Variants in GSG1 observed in about 807,000 individuals in gnomAD.
The protein encoded by GSG1 is germ cell associated 1.
In GSG1, 28 loss-of-function variants were observed where a neutral mutation model predicts 30.8. That is an observed-to-expected ratio of 0.91 (90% CI 0.67 to 1.25). GSG1 has a LOEUF of 1.25. GSG1 is among the 50% of genes most tolerant of loss of function. The pLI, the probability that GSG1 is intolerant of heterozygous loss-of-function variation, is 0.00. For missense variants in GSG1, 435 were observed against 444.7 expected (o/e 0.98, Z 0.20); for synonymous variants, 162 against 178.0 (o/e 0.91, Z 0.71).
At chr12:13,090,260 A>C (rs1865950457) in intron 2 of GSG1, among the ~76,000 whole-genome samples, 2 of 152,238 alleles carry the variant, frequency 1.3e-5, no homozygotes, top group South Asian at 4.1e-4. Flanking sequence ...TCTACTACAG[A>C]GGGAGGAAGT....
At chr12:13,095,094 A>G (rs762969236) in intron 1 of GSG1, among the ~76,000 whole-genome samples, 3 of 152,208 alleles carry the variant, frequency 2.0e-5, no homozygotes, top group African/African-American at 4.8e-5. Flanking sequence ...TCATTCAAAA[A>G]TCATCTTCTT....
intron 1 of GSG1, among the ~76,000 whole-genome samples, chr12:13,092,241 GTA>G (rs71697994): frequency 0.14 from 20,980 of 152,168 alleles, 1,556 homozygotes; most frequent in East Asian, 0.2. Flanking sequence ...TAGGGAGGAT[GTA>G]TGTGTGTGTG....
intron 4 of GSG1, 61 bp downstream of exon 4, chr12:13,088,801 A>G (rs1327829658): frequency 1.9e-6 from 3 of 1,614,062 alleles, no homozygotes; most frequent in East Asian, 2.2e-5. Context: ...CTTCCCTCCA[A>G]ATCGGAGAGT....
At chr12:13,102,680 C>CGT (rs147713093) in intron 1 of GSG1, among the ~76,000 whole-genome samples, 1 of 152,110 alleles carries the variant, frequency 6.6e-6, no homozygotes, top group African/African-American at 2.4e-5. Flanking sequence ...AGTGTATGTA[C>CGT]GTGTGTGTGT....
intron 2 of GSG1, among the ~76,000 whole-genome samples, chr12:13,089,595 C>G (rs1865887563): frequency 6.6e-6 from 1 of 152,228 alleles, no homozygotes; most frequent in African/African-American, 2.4e-5. Flanking sequence ...TGAGGGCTCT[C>G]TTACATGATC....
At chr12:13,100,318 A>C (rs962597138) in intron 1 of GSG1, among the ~76,000 whole-genome samples, 9 of 152,208 alleles carry the variant, frequency 5.9e-5, no homozygotes, top group African/African-American at 2.2e-4. Context: ...GCTACAAAGG[A>C]AGCCCTGGGT....
chr12:13,094,099 GCTTAT>G (rs139934064), intron 1 of GSG1, among the ~76,000 whole-genome samples: 12,146 of 152,116 alleles, frequency 0.08, 592 homozygotes, highest in South Asian at 0.13. Flanking sequence ...ACTTAAATCT[GCTTAT>G]CTTAAGAGCC....
At position 13,101,928 on chromosome 12, in the gene GSG1, C is replaced by G. The variant is rs1464576073; in HGVS notation, c.48+1537G>C. 6.6e-6 allele frequency among the ~76,000 whole-genome samples: 1 copy of G among 152,168 alleles called. No homozygotes were observed. Among genetic ancestry groups the G allele is most frequent in the Non-Finnish European group, 1.5e-5 (1 of 68,024 alleles). The stretch of plus-strand genomic sequence containing the variant: ...AACCTCCCAGAGGGTTAAATTTACC[C>G]TCAGGGGTAAATGAGGGCAAAGAGT... On this transcript the variant is annotated intron_variant, in intron 1 of 6. Coordinates refer to ENST00000651961, the MANE Select transcript of GSG1 (RefSeq NM_001080555.4). The surrounding 1 kb of genome is among the most constrained non-coding windows in gnomAD (Gnocchi z 5.8).
At position 13,090,713 on chromosome 12, in the gene GSG1, A is replaced by G. The variant is rs2306765; in HGVS notation, c.154T>C (p.Phe52Leu). 43,086 of 1,613,986 alleles carry G rather than the reference A, an allele frequency of 0.027. 1,755 individuals carry two copies. The highest frequency in any genetic ancestry group is 0.18 in the East Asian group (7,949 of 44,882). The change falls in exon 2 of 7, where the codon TTT becomes CTT. Residue 52 changes from phenylalanine to leucine, a missense_variant. Coordinates refer to ENST00000651961, the MANE Select transcript of GSG1 (RefSeq NM_001080555.4). ...TTGGGCACCTTCTGTGTGCCCACAAACCAGTAGTTGCTGAGCAGGGATGTT... is the reference window on the plus strand; with the variant it reads ...TTGGGCACCTTCTGTGTGCCCACAAGCCAGTAGTTGCTGAGCAGGGATGTT... ...STTSLLSNYW[F>L]VGTQKVPKPL... is the part of the protein sequence containing the mutation.
At chr12:13,088,662 G>T (rs1313689679) in intron 4 of GSG1, 200 bp downstream of exon 4, 9 of 1,324,244 alleles carry the variant, frequency 6.8e-6, no homozygotes, top group Non-Finnish European at 8.4e-6. Flanking sequence ...AGAAAAGTGG[G>T]AGATCACAGT....
intron 1 of GSG1, among the ~76,000 whole-genome samples, chr12:13,100,894 G>T (rs1450705993): frequency 6.6e-6 from 1 of 152,156 alleles, no homozygotes; most frequent in East Asian, 1.9e-4. Context: ...TCTTCCTAAC[G>T]TAGGTCCCGA....
In GSG1 at chr12:13,096,520, C is replaced by T. The variant is rs1866680178; in HGVS notation, c.49-5702G>A. Among the ~76,000 whole-genome samples the T allele has an allele frequency of 2.0e-5, 3 of 151,190 alleles. No homozygotes were observed. The South Asian group carries it at 6.3e-4, about 32-fold the overall frequency. On this transcript the variant is annotated intron_variant, in intron 1 of 6. Coordinates refer to ENST00000651961, the MANE Select transcript of GSG1 (RefSeq NM_001080555.4). ...AATAAGTACTATTAAGTATCTCCCT[C>T]TACACATGGAATGCTGAGTGAGAAT...
Position 13,085,218 on chromosome 12 carries a change from A to G in GSG1, c.772T>C (p.Cys258Arg). The G allele has an allele frequency of 6.2e-7, 1 of 1,609,302 alleles. No individual in the cohort carries two copies. The highest frequency in any genetic ancestry group is 8.5e-7 in the Non-Finnish European group (1 of 1,176,516). The change falls in exon 7 of 7, where the codon TGC becomes CGC. Residue 258 changes from cysteine to arginine, a missense_variant. Coordinates refer to ENST00000651961, the MANE Select transcript of GSG1 (RefSeq NM_001080555.4). ...FYMAWLSFTC[C>R]MASAVTTFNT... ...AAGGTGGTGACAGCCGACGCCATGC[A>G]GCAGGTGAAGGAGAGCCAGGCCATG...
At chr12:13,087,063 G>A in intron 6 of GSG1, 89 bp downstream of exon 6, 1 of 802,412 alleles carries the variant, frequency 1.2e-6, no homozygotes, top group Non-Finnish European at 2.1e-6. Flanking sequence ...GAGAAGGCAG[G>A]GCTTCACCGA....
intron 3 of GSG1, 118 bp from the exon 4 acceptor site, chr12:13,089,027 G>T: frequency 7.4e-7 from 1 of 1,358,530 alleles, no homozygotes; most frequent in African/African-American, 1.5e-5. Flanking sequence ...GCCCCGCATA[G>T]AGCAGGAAAG....
At chr12:13,088,761 G>T (rs753018838) in intron 4 of GSG1, 101 bp downstream of exon 4, 6 of 1,613,614 alleles carry the variant, frequency 3.7e-6, no homozygotes, top group Non-Finnish European at 5.1e-6. Flanking sequence ...CCAAGGGAGG[G>T]GAGGGGAGGG....
chr12:13,088,131 A>G, intron 4 of GSG1, 72 bp from the exon 5 acceptor site: 2 of 1,562,114 alleles, frequency 1.3e-6, no homozygotes, highest in East Asian at 2.2e-5. Context: ...TGAGCATAGG[A>G]TGCCTATTAG....
At chr12:13,087,297 GAA>G in intron 5 of GSG1, 34 bp from the exon 6 acceptor site, 1 of 1,521,394 alleles carries the variant, frequency 6.6e-7, no homozygotes, top group Non-Finnish European at 9.1e-7. Context: ...AGCCCTTAGA[GAA>G]AGGCTTTCAT....
chr12:13,084,394 C>T lies in GSG1; in HGVS notation c.*507G>A, dbSNP rs1048885552. 1.3e-5 allele frequency: 2 copies of T among 153,812 alleles called. No homozygotes were observed. Among genetic ancestry groups the T allele is most frequent in the African/African-American group, 4.8e-5 (2 of 41,436 alleles). 9.5% of individuals were successfully genotyped at this position (153,812 alleles called of 1,614,324 possible). On this transcript the variant is annotated 3_prime_UTR_variant, in exon 7 of 7. Transcript: ENST00000651961. ...GGGTACCTACTGTGTGGATGCAGGA[C>T]ACTGTCCCAGGCAGTGTGGAGGACT...
Sources: allele counts gnomAD v4.1 joint callset (sites outside exome capture counted in the v4.1 genomes callset), GRCh38; gene constraint gnomAD v4.1.1; non-coding constraint Gnocchi (gnomAD v3.1); transcripts MANE v1.5; gene names NCBI Gene and HGNC (gene_info 2026-07-23, HGNC 2026-07-21).